The following OR51E2 variants were observed in gnomAD, a reference collection of about 807,000 sequenced individuals.
The protein encoded by OR51E2 is olfactory receptor 51E2.
OR51E2 carries 14 observed loss-of-function variants against 13.7 expected under a neutral mutation model. That is an observed-to-expected ratio of 1.02 (90% confidence interval 0.68 to 1.60). The LOEUF is 1.60. Ranked by LOEUF, OR51E2 falls within the 40% of genes most tolerant of loss-of-function variation. OR51E2 has a pLI of 0.00. For synonymous variants in OR51E2, 180 were observed against 157.6 expected, an observed-to-expected ratio of 1.14 and a Z score of -1.07; for missense variants, 483 against 413.8, an observed-to-expected ratio of 1.17 and a Z score of -1.45.
At chr11:4,695,512 G>C (rs1481699572) in intron 1 of OR51E2, among the ~76,000 whole-genome samples, 1 of 152,146 alleles carries the variant, frequency 6.6e-6, no homozygotes, top group African/African-American at 2.4e-5. Context: ...ATTTCCTGCT[G>C]TATCTTTTAT....
rs1336083056 is a variant in OR51E2 at position 4,697,838 on chromosome 11, T to G, written c.-236A>C. ...GCTAACTCACTGTGTCTTCAGGGTG[T>G]GGAGATTCCCAGAAGACTTCTTTTG... On this transcript the variant is annotated 5_prime_UTR_variant, in exon 1 of 2. Coordinates refer to ENST00000396950, the MANE Select transcript of OR51E2 (RefSeq NM_030774.4). 6.6e-6 allele frequency: 1 copy of G among 152,344 alleles called. No homozygotes were observed. The highest frequency in any genetic ancestry group is 2.4e-5 in the African/African-American group (1 of 41,458). The allele number at this position is 152,344 out of a possible 1,614,324, so 9.4% of individuals were successfully genotyped here.
At chr11:4,690,910 T>C (rs777982568) in intron 1 of OR51E2, 1 of 456,358 alleles carries the variant, frequency 2.2e-6, no homozygotes, top group Non-Finnish European at 4.4e-6. Flanking sequence ...TTCCCAAATC[T>C]GTGAACAATG....
chr11:4,687,740 A>G (rs1234594913), intron 1 of OR51E2, among the ~76,000 whole-genome samples: 3 of 152,156 alleles, frequency 2.0e-5, no homozygotes, highest in African/African-American at 7.2e-5. Context: ...GAATGGTGAC[A>G]AGAGAGTTTG....
chr11:4,688,876 T>C (rs764678370), intron 1 of OR51E2, among the ~76,000 whole-genome samples: 3 of 152,220 alleles, frequency 2.0e-5, no homozygotes, highest in Non-Finnish European at 4.4e-5. Flanking sequence ...AAGTGCTTTG[T>C]CTCAACACAT....
chr11:4,684,321 G>T (rs1389393481), intron 1 of OR51E2, among the ~76,000 whole-genome samples: 2 of 152,110 alleles, frequency 1.3e-5, no homozygotes, highest in African/African-American at 4.8e-5. Flanking sequence ...GCAGATGATT[G>T]CATCCTTTAG....
Position 4,681,930 on chromosome 11 carries a change from T to G in OR51E2, c.782A>C (p.His261Pro). ...GGGATGAAGGCTGTTTCCAAAGCGGTGTACCACTGAGAGGCCAATAAGTGG... is the reference window on the plus strand; with the variant it reads ...GGGATGAAGGCTGTTTCCAAAGCGGGGTACCACTGAGAGGCCAATAAGTGG... ...YVPLIGLSVV[H>P]RFGNSLHPIV... The change falls in exon 2 of 2, where the codon CAC (histidine) becomes CCC (proline). Residue 261 changes from histidine (H) to proline (P), a missense_variant. Coordinates refer to ENST00000396950, the MANE Select transcript of OR51E2 (RefSeq NM_030774.4). 6 of 1,614,010 alleles carry G rather than the reference T, an allele frequency of 3.7e-6. No homozygotes were observed. The highest frequency in any genetic ancestry group is 5.1e-6 in the Non-Finnish European group (6 of 1,179,940).
rs146558525 is a variant in OR51E2 at position 4,687,243 on chromosome 11, C to T, written c.-50-4482G>A. 5.6e-4 allele frequency among the ~76,000 whole-genome samples: 85 copies of T among 152,000 alleles called. 1 individual carries two copies. Among genetic ancestry groups the T allele is most frequent in the Admixed American group, 2.1e-3 (32 of 15,252 alleles). On this transcript the variant is annotated intron_variant, in intron 1 of 1. Coordinates refer to ENST00000396950, the MANE Select transcript of OR51E2 (RefSeq NM_030774.4). ...TATGAAAAGATGATCTGCAGGGGTA[C>T]GTATTAGGGAATAGAAGGGGAAAGA... is the stretch of plus-strand genomic sequence containing the variant.
chr11:4,691,583 A>G (rs372487401), intron 1 of OR51E2: 2 of 456,690 alleles, frequency 4.4e-6, no homozygotes, highest in South Asian at 1.6e-5. Flanking sequence ...TTCCCAAGAG[A>G]GCAGTTACAG....
chr11:4,689,387 T>A (rs1010433095), intron 1 of OR51E2, among the ~76,000 whole-genome samples: 7 of 152,084 alleles, frequency 4.6e-5, no homozygotes, highest in Admixed American at 6.5e-5. Context: ...TGAGAGTGAA[T>A]ACAGGAAGAA....
At chr11:4,694,151 C>T (rs1182597061) in intron 1 of OR51E2, among the ~76,000 whole-genome samples, 1 of 152,124 alleles carries the variant, frequency 6.6e-6, no homozygotes, top group African/African-American at 2.4e-5. Flanking sequence ...CTTCATATCT[C>T]CCATTACCTC....
chr11:4,682,729 G>A lies in OR51E2; in HGVS notation c.-18C>T. ...GAACTCATAGCTGGAACTGAGGAGG[G>A]GTGACTGGAGAGGGTGAGGTCACAC... On this transcript the variant is annotated 5_prime_UTR_variant, in exon 2 of 2. Coordinates refer to ENST00000396950, the MANE Select transcript of OR51E2 (RefSeq NM_030774.4). 6.2e-7 allele frequency: 1 copy of A among 1,606,528 alleles called. No individual in the cohort carries two copies. The highest frequency in any genetic ancestry group is 8.5e-7 in the Non-Finnish European group (1 of 1,175,708).
Sources: gnomAD v4.1 joint callset for allele counts (sites outside exome capture counted in the v4.1 genomes callset) on GRCh38, gnomAD v4.1.1 for gene constraint, MANE v1.5 for transcripts, NCBI Gene and HGNC (gene_info 2026-07-23, HGNC 2026-07-21) for gene names.